Variants in ADAM12 observed in about 807,000 individuals in gnomAD.
ADAM12 encodes disintegrin and metalloproteinase domain-containing protein 12.
In ADAM12, 70 loss-of-function variants were observed where a neutral mutation model predicts 106.4. The ratio of observed to expected loss-of-function variants is 0.66; its 90% CI spans 0.54 to 0.80. The LOEUF is 0.80. Ranked by LOEUF, ADAM12 falls within the 30% of genes least tolerant of loss-of-function variation. The pLI is 0.00. For synonymous variants in ADAM12, 420 were observed against 433.5 expected, an observed-to-expected ratio of 0.97 and a Z score of 0.39; for missense variants, 1,010 against 1,171.9, an observed-to-expected ratio of 0.86 and a Z score of 2.02.
chr10:126,184,551 T>C (rs1957366545), intron 3 of ADAM12, among the ~76,000 whole-genome samples: 1 of 152,200 alleles, frequency 6.6e-6, no homozygotes, highest in Non-Finnish European at 1.5e-5. Context: ...CTGTGCCGTA[T>C]TTTGCAAATT....
At chr10:126,286,689 C>T (rs1333117492) in intron 2 of ADAM12, among the ~76,000 whole-genome samples, 2 of 152,170 alleles carry the variant, frequency 1.3e-5, no homozygotes, top group African/African-American at 4.8e-5. Context: ...ATTGAATTAA[C>T]TGCAGTATAA....
chr10:126,357,902 C>T (rs1378758644), intron 1 of ADAM12, among the ~76,000 whole-genome samples: 2 of 152,166 alleles, frequency 1.3e-5, no homozygotes, highest in Non-Finnish European at 2.9e-5. Flanking sequence ...TTCACTGCTG[C>T]TGAATTCTAC....
chr10:126,184,546 C>G (rs1429778513), intron 3 of ADAM12, among the ~76,000 whole-genome samples: 1 of 152,114 alleles, frequency 6.6e-6, no homozygotes, highest in Non-Finnish European at 1.5e-5. Context: ...AAAAGCTGTG[C>G]CGTATTTTGC....
intron 3 of ADAM12, among the ~76,000 whole-genome samples, chr10:126,269,750 CA>C (rs1167675164): frequency 1.3e-5 from 2 of 152,148 alleles, no homozygotes; most frequent in African/African-American, 2.4e-5. Context: ...GGAAGGAGTG[CA>C]AGGGATGTAA....
rs372234117 is a variant in ADAM12 at position 126,042,280 on chromosome 10, C to T, written c.2104+760G>A. On this transcript the variant is annotated intron_variant, in intron 18 of 22. Coordinates refer to ENST00000448723, the MANE Select transcript of ADAM12 (RefSeq NM_001288973.2). ...ATCATTTAGACTTGCCCCTGAATTG[C>T]CCAATAAGAACTCAGAGAAAACAGC... 7.9e-5 allele frequency: 126 copies of T among 1,605,078 alleles called. 1 individual carries two copies. The highest frequency in any genetic ancestry group is 9.9e-5 in the Non-Finnish European group (117 of 1,178,072).
intron 3 of ADAM12, among the ~76,000 whole-genome samples, chr10:126,158,173 G>A (rs1445200324): frequency 6.6e-6 from 1 of 151,534 alleles, no homozygotes; most frequent in Non-Finnish European, 1.5e-5. Flanking sequence ...GGAACAGGCA[G>A]AAGGATGCAG....
intron 2 of ADAM12, among the ~76,000 whole-genome samples, chr10:126,281,651 A>T (rs1484522891): frequency 6.6e-6 from 1 of 152,240 alleles, no homozygotes; most frequent in African/African-American, 2.4e-5. Flanking sequence ...TCTTAAAAGC[A>T]TGTATTCATT....
chr10:126,192,478 A>C (rs1447544258), intron 3 of ADAM12, among the ~76,000 whole-genome samples: 1 of 152,206 alleles, frequency 6.6e-6, no homozygotes, highest in African/African-American at 2.4e-5. Context: ...AGATTTGTTC[A>C]TAAAATATAT....
chr10:126,085,992 C>A (rs1955332603), intron 11 of ADAM12, among the ~76,000 whole-genome samples: 1 of 152,124 alleles, frequency 6.6e-6, no homozygotes, highest in Non-Finnish European at 1.5e-5. Context: ...GAGGAGGAAG[C>A]CATGGGGGTA....
intron 3 of ADAM12, among the ~76,000 whole-genome samples, chr10:126,204,406 C>T (rs1016466185): frequency 2.6e-5 from 4 of 152,162 alleles, no homozygotes; most frequent in African/African-American, 9.7e-5. Context: ...CTGTCAGCTG[C>T]TAAATTAGCC....
chr10:126,243,096 T>C (rs1958559635), intron 3 of ADAM12, among the ~76,000 whole-genome samples: 1 of 152,194 alleles, frequency 6.6e-6, no homozygotes, highest in Non-Finnish European at 1.5e-5. Flanking sequence ...GCAGAGCAGC[T>C]GTGATGGCTG....
chr10:126,123,429 A>G (rs868467905), intron 5 of ADAM12, among the ~76,000 whole-genome samples: 9 of 152,302 alleles, frequency 5.9e-5, no homozygotes, highest in Admixed American at 1.3e-4. Context: ...AAAGTCTCCA[A>G]TGTTTGGGAA....
intron 3 of ADAM12, among the ~76,000 whole-genome samples, chr10:126,190,151 G>A (rs919801721): frequency 6.6e-6 from 1 of 152,194 alleles, no homozygotes; most frequent in East Asian, 1.9e-4. Context: ...TTGGGGCAGA[G>A]GGGACTAGCG....
At position 126,258,943 on chromosome 10, in the gene ADAM12, C is replaced by G. The variant is rs139831195; in HGVS notation, c.260+19972G>C. Among the ~76,000 whole-genome samples, 498 of 152,318 alleles carry G rather than the reference C, an allele frequency of 3.3e-3. 2 individuals are homozygous for G. The highest frequency in any genetic ancestry group is 5.4e-3 in the Non-Finnish European group (370 of 68,028). On this transcript the variant is annotated intron_variant, in intron 3 of 22. Coordinates refer to ENST00000448723, the MANE Select transcript of ADAM12 (RefSeq NM_001288973.2). The stretch of plus-strand genomic sequence containing the variant: ...CCTGCAAGCTCTTTGAGGTCAAGGG[C>G]TGTTTCCCCCCTGTTCCCTACCGTG...
At chr10:126,121,975 A>G (rs1956124077) in intron 5 of ADAM12, among the ~76,000 whole-genome samples, 1 of 152,118 alleles carries the variant, frequency 6.6e-6, no homozygotes, top group Admixed American at 6.6e-5. Flanking sequence ...GCAATGGGAG[A>G]AACAGATCTA....
At chr10:126,156,457 A>AG (rs1356193879) in intron 3 of ADAM12, among the ~76,000 whole-genome samples, 8 of 152,228 alleles carry the variant, frequency 5.3e-5, no homozygotes, top group Admixed American at 6.5e-5. Context: ...AAACCTCTAG[A>AG]GGGTATTTAA....
At chr10:126,137,285 C>T (rs1215679336) in intron 4 of ADAM12, among the ~76,000 whole-genome samples, 1 of 152,162 alleles carries the variant, frequency 6.6e-6, no homozygotes, top group Non-Finnish European at 1.5e-5. Flanking sequence ...GACAGACATC[C>T]ATTTGTCTGT....
intron 2 of ADAM12, among the ~76,000 whole-genome samples, chr10:126,302,789 A>G (rs115987084): frequency 1.7e-3 from 257 of 152,356 alleles, no homozygotes; most frequent in African/African-American, 5.9e-3. Context: ...GGCTACACGT[A>G]CCATTACCAA....
intron 2 of ADAM12, among the ~76,000 whole-genome samples, chr10:126,287,716 CAGGCA>C (rs1959936530): frequency 6.6e-6 from 1 of 152,072 alleles, no homozygotes; most frequent in South Asian, 2.1e-4. Flanking sequence ...GCTTAACCTC[CAGGCA>C]CTGGCCTGGA....
Sources: gnomAD v4.1 joint callset for allele counts (sites outside exome capture counted in the v4.1 genomes callset) on GRCh38, gnomAD v4.1.1 for gene constraint, MANE v1.5 for transcripts, NCBI Gene and HGNC (gene_info 2026-07-23, HGNC 2026-07-21) for gene names.